The following RORA variants were observed in gnomAD, a reference collection of about 807,000 sequenced individuals.
RORA encodes the protein nuclear receptor ROR-alpha.
A neutral mutation model predicts 69.5 loss-of-function variants in RORA; 7 were observed. That is an observed-to-expected ratio of 0.10 (90% CI 0.06 to 0.19). The LOEUF is 0.19. Ranked by LOEUF, RORA falls within the 10% of genes least tolerant of loss-of-function variation. The pLI, the probability that RORA is intolerant of heterozygous loss-of-function variation, is 1.00. For synonymous variants in RORA, 261 were observed against 240.8 expected (o/e 1.08, Z -0.78); for missense variants, 457 against 663.0 (o/e 0.69, Z 3.41).
chr15:60,986,735 CTG>C lies in RORA; in HGVS notation c.166+242316_166+242317del, dbSNP rs373480340. ...ACATGCTGTAGTTGTTGTCATTGAC[CTG>C]TGTTTGTCTCTAACTGCATGAAAAC... is the stretch of plus-strand genomic sequence containing the variant. On this transcript the variant is annotated intron_variant, in intron 1 of 10. Transcript: ENST00000335670. Among the ~76,000 whole-genome samples the C allele has an allele frequency of 1.8e-3, 274 of 152,262 alleles. 1 individual carries two copies. Among genetic ancestry groups the C allele is most frequent in the African/African-American group, 5.7e-3 (237 of 41,530 alleles).
intron 1 of RORA, among the ~76,000 whole-genome samples, chr15:61,010,457 A>ACTT (rs894944591): frequency 9.9e-5 from 15 of 152,134 alleles, no homozygotes; most frequent in African/African-American, 3.6e-4. Flanking sequence ...TCATATTAGG[A>ACTT]CTTAGTTGCA....
chr15:60,942,063 G>C (rs538772366), intron 1 of RORA, among the ~76,000 whole-genome samples: 2 of 151,934 alleles, frequency 1.3e-5, no homozygotes, highest in South Asian at 4.2e-4. Flanking sequence ...TAATATCTTC[G>C]GAAGATTCCC....
chr15:61,189,856 CAAAAAAAAAAAAAAAA>C (rs71125907), intron 1 of RORA, among the ~76,000 whole-genome samples: 1 of 42,890 alleles, frequency 2.3e-5, no homozygotes, highest in Admixed American at 4.7e-4. Context: ...GACTCTGTCT[CAAAAAAAAAAAAAAAA>C]AAAAAAAAAA....
At chr15:61,139,853 T>A (rs1190505807) in intron 1 of RORA, among the ~76,000 whole-genome samples, 3 of 152,228 alleles carry the variant, frequency 2.0e-5, no homozygotes, top group African/African-American at 7.2e-5. Context: ...GCTTGTAGCT[T>A]CATTTTCTGA....
chr15:60,899,965 T>C (rs1268913486), intron 1 of RORA, among the ~76,000 whole-genome samples: 1 of 152,204 alleles, frequency 6.6e-6, no homozygotes, highest in African/African-American at 2.4e-5. Context: ...CAAAGGCCAG[T>C]AAAGCAAATT....
intron 2 of RORA, among the ~76,000 whole-genome samples, chr15:60,561,082 G>GTGT (rs1555431325): frequency 8.2e-5 from 10 of 122,050 alleles, no homozygotes; most frequent in African/African-American, 3.1e-4. Context: ...TTTTGTTTTT[G>GTGT]TTTTTTTTTT....
At chr15:60,606,243 G>C (rs892521691) in intron 2 of RORA, among the ~76,000 whole-genome samples, 1 of 152,172 alleles carries the variant, frequency 6.6e-6, no homozygotes, top group African/African-American at 2.4e-5. Flanking sequence ...ATCCCTGGTG[G>C]GGCCCAGCAA....
intron 1 of RORA, among the ~76,000 whole-genome samples, chr15:60,963,476 T>C (rs1370740602): frequency 6.6e-6 from 1 of 152,150 alleles, no homozygotes; most frequent in South Asian, 2.1e-4. Context: ...TTAATTTCTC[T>C]TGGGCCTAGA....
At chr15:60,691,632 A>G (rs1427442371) in intron 1 of RORA, among the ~76,000 whole-genome samples, 1 of 152,204 alleles carries the variant, frequency 6.6e-6, no homozygotes, top group African/African-American at 2.4e-5. Flanking sequence ...CTGAAGAGAA[A>G]CTGGAAGGCT....
chr15:60,961,802 T>C (rs1162589959), intron 1 of RORA, among the ~76,000 whole-genome samples: 1 of 152,124 alleles, frequency 6.6e-6, no homozygotes, highest in African/African-American at 2.4e-5. Context: ...GAGACACAGA[T>C]TGTATAGCTG....
At chr15:61,090,175 G>A (rs2078684571) in intron 1 of RORA, among the ~76,000 whole-genome samples, 1 of 152,170 alleles carries the variant, frequency 6.6e-6, no homozygotes, top group African/African-American at 2.4e-5. Context: ...TAGGAACCCT[G>A]GTCTGGGTTC....
chr15:60,685,180 G>A (rs1297497943), intron 1 of RORA, among the ~76,000 whole-genome samples: 1 of 152,164 alleles, frequency 6.6e-6, no homozygotes, highest in Admixed American at 6.5e-5. Flanking sequence ...CGGGAAGGCA[G>A]CATTGGAGAG....
rs565982197 is a variant in RORA at position 61,114,054 on chromosome 15, C to T, written c.166+114999G>A. 2.0e-5 allele frequency among the ~76,000 whole-genome samples: 3 copies of T among 152,302 alleles called. No individual in the cohort carries two copies. The East Asian group carries it at 5.8e-4, about 29-fold the overall frequency. On this transcript the variant is annotated intron_variant, in intron 1 of 10. Transcript: ENST00000335670. ...GCCAGCAATATGGTCTCAACAGAAG[C>T]CCTGAAAACAGAAATGTCACTCCGC... is the stretch of plus-strand genomic sequence containing the variant.
intron 1 of RORA, among the ~76,000 whole-genome samples, chr15:61,225,066 AT>A (rs537173221): frequency 3.3e-5 from 5 of 152,170 alleles, no homozygotes; most frequent in African/African-American, 9.6e-5. Flanking sequence ...TAATAATTCA[AT>A]TTTTTTTAAG....
intron 1 of RORA, among the ~76,000 whole-genome samples, chr15:61,208,590 A>G (rs1391373575): frequency 6.6e-6 from 1 of 152,244 alleles, no homozygotes; most frequent in Non-Finnish European, 1.5e-5. Context: ...AGTTGGAATG[A>G]ATAAAGAAGT....
intron 1 of RORA, among the ~76,000 whole-genome samples, chr15:60,997,039 T>TTGTGTGTG (rs10687177): frequency 9.0e-4 from 133 of 148,422 alleles, no homozygotes; most frequent in African/African-American, 3.1e-3. Flanking sequence ...ATATTGGGGT[T>TTGTGTGTG]TGTGTGTGTG....
chr15:60,904,786 G>C (rs373977210), intron 1 of RORA, among the ~76,000 whole-genome samples: 1 of 152,092 alleles, frequency 6.6e-6, no homozygotes, highest in African/African-American at 2.4e-5. Context: ...AATGAACGAC[G>C]GAAGAAGGCT....
chr15:60,934,527 G>T (rs144145717), intron 1 of RORA, among the ~76,000 whole-genome samples: 2 of 151,998 alleles, frequency 1.3e-5, no homozygotes, highest in East Asian at 1.9e-4. Context: ...CTGATATGAG[G>T]TCTCACTATG....
chr15:60,858,747 G>A (rs1027816576), intron 1 of RORA, among the ~76,000 whole-genome samples: 1 of 142,464 alleles, frequency 7.0e-6, no homozygotes, highest in Non-Finnish European at 1.6e-5. Flanking sequence ...CAAAACCTCA[G>A]TTTGGTCAAT....
Sources: allele counts gnomAD v4.1 joint callset (sites outside exome capture counted in the v4.1 genomes callset), GRCh38; gene constraint gnomAD v4.1.1; transcripts MANE v1.5; gene names NCBI Gene and HGNC (gene_info 2026-07-23, HGNC 2026-07-21).